Variants in PTPRN2 observed in about 807,000 individuals in gnomAD.
The protein encoded by PTPRN2 is protein tyrosine phosphatase receptor type N2, also known as receptor-type tyrosine-protein phosphatase N2.
A neutral mutation model predicts 118.8 loss-of-function variants in PTPRN2; 74 were observed. The observed-to-expected ratio is 0.62, with a 90% CI of 0.52 to 0.76. The LOEUF (loss-of-function observed/expected upper bound fraction) is 0.76, where lower values mean the gene tolerates loss of function less well. PTPRN2 is among the 30% of genes least tolerant of loss of function. The pLI, the probability that PTPRN2 is intolerant of heterozygous loss-of-function variation, is 0.00. For missense variants in PTPRN2, 1,481 were observed against 1,394.4 expected (o/e 1.06, Z -0.99); for synonymous variants, 641 against 608.0 (o/e 1.05, Z -0.80).
chr7:158,266,053 C>G, intron 3 of PTPRN2, among the ~76,000 whole-genome samples: 1 of 151,726 alleles, frequency 6.6e-6, no homozygotes. Flanking sequence ...GGCAGTGAGG[C>G]TGGGGACGGC....
chr7:157,652,526 G>A (rs796826795), intron 14 of PTPRN2, among the ~76,000 whole-genome samples: 47 of 152,310 alleles, frequency 3.1e-4, no homozygotes, highest in African/African-American at 1.0e-3. Flanking sequence ...ATGGCAGAGC[G>A]GGGGACCCAG....
rs374761955 is a variant in PTPRN2 at position 157,785,852 on chromosome 7, C to T, written c.1789-102915G>A. 2.6e-5 allele frequency among the ~76,000 whole-genome samples: 4 copies of T among 152,248 alleles called. No homozygotes were observed. Among genetic ancestry groups the T allele is most frequent in the South Asian group, 2.1e-4 (1 of 4,826 alleles). ...CTGCGTTTTCCCTTCTGCACAACAGCGGAGGTTTTCCTGGAGTTCATAATC... is the reference window on the plus strand; with the variant it reads ...CTGCGTTTTCCCTTCTGCACAACAGTGGAGGTTTTCCTGGAGTTCATAATC... On this transcript the variant is annotated intron_variant, in intron 12 of 22. Coordinates refer to ENST00000389418, the MANE Select transcript of PTPRN2 (RefSeq NM_002847.5). This position sits in a 1 kb window ranked among gnomAD's most constrained non-coding sequence, Gnocchi z 7.3.
intron 2 of PTPRN2, among the ~76,000 whole-genome samples, chr7:158,459,434 C>T (rs939934987): frequency 6.6e-6 from 1 of 152,004 alleles, no homozygotes; most frequent in South Asian, 2.1e-4. Flanking sequence ...GAATCCAGAG[C>T]CCCTGCCTGG....
At chr7:158,173,664 GCAGGAGAC>G (rs1229538854) in intron 5 of PTPRN2, among the ~76,000 whole-genome samples, 1 of 152,198 alleles carries the variant, frequency 6.6e-6, no homozygotes, top group Non-Finnish European at 1.5e-5. Context: ...TGAGGGCACT[GCAGGAGAC>G]CAGGGAGAAT....
At chr7:157,567,034 G>T (rs1467478113) in intron 21 of PTPRN2, among the ~76,000 whole-genome samples, 1 of 152,188 alleles carries the variant, frequency 6.6e-6, no homozygotes, top group Non-Finnish European at 1.5e-5. Context: ...AAGACATTTT[G>T]GTTTAAGAGA....
chr7:157,725,877 GAA>G lies in PTPRN2; in HGVS notation c.1789-42942_1789-42941del, dbSNP rs1313998109. Among the ~76,000 whole-genome samples the G allele has an allele frequency of 3.5e-4, 40 of 114,962 alleles. 1 individual carries two copies. Among genetic ancestry groups the G allele is most frequent in the African/African-American group, 9.2e-4 (22 of 23,940 alleles). 75.4% of individuals were successfully genotyped at this position (114,962 alleles called of 152,430 possible). On this transcript the variant is annotated intron_variant, in intron 12 of 22. Coordinates refer to ENST00000389418, the MANE Select transcript of PTPRN2 (RefSeq NM_002847.5). Reference sequence around the variant, plus strand: ...ACTGGATATCCACACGCAGAGGAGTGAACCAGACCCTCGCCTCCCAGGAGAAC... The same window carrying G: ...ACTGGATATCCACACGCAGAGGAGTGCCAGACCCTCGCCTCCCAGGAGAAC...
chr7:157,828,845 T>C (rs904157718), intron 12 of PTPRN2, among the ~76,000 whole-genome samples: 1 of 152,202 alleles, frequency 6.6e-6, no homozygotes, highest in African/African-American at 2.4e-5. Context: ...CGCCACTCAG[T>C]TTTATTTGCG....
chr7:157,837,828 G>A (rs938568652), intron 12 of PTPRN2, among the ~76,000 whole-genome samples: 5 of 152,256 alleles, frequency 3.3e-5, no homozygotes, highest in Admixed American at 6.5e-5. Context: ...ACTCAGGGGT[G>A]GGTCCCGTGG....
At chr7:157,565,281 C>T (rs1799427902) in intron 21 of PTPRN2, among the ~76,000 whole-genome samples, 1 of 152,248 alleles carries the variant, frequency 6.6e-6, no homozygotes, top group African/African-American at 2.4e-5. Context: ...GGAACGTACT[C>T]CTAGCCAGCT....
intron 8 of PTPRN2, among the ~76,000 whole-genome samples, chr7:158,136,265 G>A (rs899109860): frequency 5.3e-5 from 8 of 152,176 alleles, no homozygotes; most frequent in South Asian, 2.1e-4. Flanking sequence ...GGTGCCACAC[G>A]GGACAGCCAG....
At chr7:158,373,582 C>A (rs575603333) in intron 2 of PTPRN2, among the ~76,000 whole-genome samples, 1 of 152,342 alleles carries the variant, frequency 6.6e-6, no homozygotes, top group African/African-American at 2.4e-5. Flanking sequence ...CTGAAGCAAA[C>A]GAAGTCTCTC....
intron 2 of PTPRN2, among the ~76,000 whole-genome samples, chr7:158,341,295 G>A (rs1456242059): frequency 2.9e-4 from 42 of 143,406 alleles, no homozygotes; most frequent in African/African-American, 9.3e-4. Context: ...AAGAGCCGAC[G>A]CCCATAGACG....
At chr7:157,742,436 T>C (rs918943242) in intron 12 of PTPRN2, among the ~76,000 whole-genome samples, 2 of 152,110 alleles carry the variant, frequency 1.3e-5, no homozygotes, top group African/African-American at 2.4e-5. Flanking sequence ...TATTTATTCA[T>C]TGAACAGTTT....
At position 157,925,665 on chromosome 7, in the gene PTPRN2, G is replaced by A. The variant is rs116194445; in HGVS notation, c.1724-26928C>T. Reference sequence around the variant, plus strand: ...CAGATGGGCAGCACACCCAGGAGCCGCTGGGGACCCTGTTAAAATGCAGAC... The same window carrying A: ...CAGATGGGCAGCACACCCAGGAGCCACTGGGGACCCTGTTAAAATGCAGAC... On this transcript the variant is annotated intron_variant, in intron 11 of 22. Transcript: ENST00000389418. 4.0e-3 allele frequency among the ~76,000 whole-genome samples: 611 copies of A among 152,160 alleles called. 8 individuals are homozygous for A. The highest frequency in any genetic ancestry group is 0.014 in the African/African-American group (585 of 41,524).
At chr7:157,782,932 T>C (rs563422785) in intron 12 of PTPRN2, among the ~76,000 whole-genome samples, 7 of 152,294 alleles carry the variant, frequency 4.6e-5, no homozygotes, top group Admixed American at 4.6e-4. Context: ...CCCACCCAAA[T>C]CTCATCTTGA....
intron 12 of PTPRN2, among the ~76,000 whole-genome samples, chr7:157,830,888 G>A (rs545603311): frequency 5.1e-4 from 78 of 152,284 alleles, no homozygotes; most frequent in African/African-American, 1.8e-3. Flanking sequence ...GCTAAGTAAC[G>A]TCACTGCTTC....
At chr7:158,491,375 C>T (rs1032519015) in intron 1 of PTPRN2, among the ~76,000 whole-genome samples, 1 of 152,372 alleles carries the variant, frequency 6.6e-6, no homozygotes, top group East Asian at 1.9e-4. Context: ...CGCCTGCCAG[C>T]AGTCACAGGC....
chr7:158,072,440 C>T (rs75083384), intron 11 of PTPRN2, among the ~76,000 whole-genome samples: 5,610 of 152,150 alleles, frequency 0.037, 352 homozygotes, highest in African/African-American at 0.13. Flanking sequence ...GCCTGAGAGC[C>T]CAGGGGCCTT....
intron 22 of PTPRN2, among the ~76,000 whole-genome samples, chr7:157,545,324 A>G (rs1209373953): frequency 7.5e-6 from 1 of 133,130 alleles, no homozygotes; most frequent in Admixed American, 7.5e-5. Flanking sequence ...GTGGGTGTGT[A>G]GGTGTGTGTG....
Sources: gnomAD v4.1 joint callset for allele counts (sites outside exome capture counted in the v4.1 genomes callset) on GRCh38, gnomAD v4.1.1 for gene constraint, Gnocchi (gnomAD v3.1) non-coding constraint, MANE v1.5 for transcripts, NCBI Gene and HGNC (gene_info 2026-07-23, HGNC 2026-07-21) for gene names.